Variants in CTNNA3 observed in about 807,000 individuals in gnomAD.
CTNNA3 encodes catenin alpha-3.
A neutral mutation model predicts 95.7 loss-of-function variants in CTNNA3; 76 were observed. The ratio of observed to expected loss-of-function variants is 0.79; its 90% confidence interval spans 0.66 to 0.96. The LOEUF (loss-of-function observed/expected upper bound fraction) is 0.96. CTNNA3 is among the 40% of genes least tolerant of loss of function. The pLI, the probability that CTNNA3 is intolerant of heterozygous loss-of-function variation, is 0.00. For synonymous variants in CTNNA3, 431 were observed against 374.4 expected (o/e 1.15, Z -1.74); for missense variants, 1,191 against 1,089.8 (o/e 1.09, Z -1.31).
At chr10:65,930,219 A>AAC (rs1189297782) in intron 17 of CTNNA3, among the ~76,000 whole-genome samples, 4 of 147,304 alleles carry the variant, frequency 2.7e-5, no homozygotes, top group East Asian at 2.0e-4. Context: ...AAAAAAAAAA[A>AAC]AAAAAAACAG....
intron 5 of CTNNA3, among the ~76,000 whole-genome samples, chr10:67,484,707 C>T (rs879548033): frequency 3.3e-5 from 5 of 152,098 alleles, no homozygotes; most frequent in Non-Finnish European, 7.4e-5. Context: ...AAACAATGCT[C>T]CACATCACTA....
chr10:67,394,871 CTA>C (rs2132784657), intron 5 of CTNNA3, among the ~76,000 whole-genome samples: 1 of 152,054 alleles, frequency 6.6e-6, no homozygotes, highest in Non-Finnish European at 1.5e-5. Context: ...AATTGAAAAG[CTA>C]TCATAAGAAT....
At chr10:67,063,204 C>T (rs1855863511) in intron 7 of CTNNA3, among the ~76,000 whole-genome samples, 1 of 152,092 alleles carries the variant, frequency 6.6e-6, no homozygotes, top group South Asian at 2.1e-4. Context: ...TCAAGACAGC[C>T]TTAAAGCAAT....
intron 11 of CTNNA3, among the ~76,000 whole-genome samples, chr10:66,487,514 A>G (rs1030062190): frequency 6.6e-6 from 1 of 152,006 alleles, no homozygotes; most frequent in African/African-American, 2.4e-5. Flanking sequence ...GCGCGGAGCC[A>G]CTGTGCCCGG....
chr10:66,154,676 T>C (rs971473619), intron 13 of CTNNA3, among the ~76,000 whole-genome samples: 3 of 146,458 alleles, frequency 2.0e-5, no homozygotes, highest in Non-Finnish European at 3.0e-5. Flanking sequence ...CTGTAGTAGT[T>C]TCTGGCAATC....
chr10:67,033,466 T>A (rs1046745906), intron 7 of CTNNA3, among the ~76,000 whole-genome samples: 6 of 152,114 alleles, frequency 3.9e-5, no homozygotes, highest in Non-Finnish European at 8.8e-5. Flanking sequence ...TCAGAAAAAA[T>A]TCACCTGAAA....
intron 3 of CTNNA3, among the ~76,000 whole-genome samples, chr10:67,599,453 G>T (rs1843015329): frequency 6.6e-6 from 1 of 151,992 alleles, no homozygotes; most frequent in Non-Finnish European, 1.5e-5. Context: ...CAAATAAAGG[G>T]TGTAATGCAA....
At chr10:66,306,104 G>A (rs2091929901) in intron 12 of CTNNA3, among the ~76,000 whole-genome samples, 1 of 152,150 alleles carries the variant, frequency 6.6e-6, no homozygotes, top group African/African-American at 2.4e-5. Flanking sequence ...TAAAGGGTTA[G>A]AAAAAAATCC....
intron 13 of CTNNA3, among the ~76,000 whole-genome samples, chr10:66,126,657 A>C (rs929258991): frequency 3.3e-5 from 5 of 152,196 alleles, no homozygotes; most frequent in Non-Finnish European, 7.3e-5. Flanking sequence ...GAACTAAAAA[A>C]TTTAAATCTG....
chr10:66,401,432 G>T, intron 11 of CTNNA3, among the ~76,000 whole-genome samples: 1 of 151,490 alleles, frequency 6.6e-6, no homozygotes, highest in East Asian at 2.0e-4. Context: ...AGGCTGAGGT[G>T]CAAGAATCAC....
chr10:67,566,945 C>G (rs907087617), intron 3 of CTNNA3, among the ~76,000 whole-genome samples: 2 of 146,244 alleles, frequency 1.4e-5, no homozygotes, highest in African/African-American at 5.1e-5. Flanking sequence ...ACCACATGTT[C>G]TCACTCATAG....
intron 5 of CTNNA3, among the ~76,000 whole-genome samples, chr10:67,372,106 C>A (rs989532688): frequency 3.3e-5 from 5 of 151,306 alleles, no homozygotes; most frequent in Non-Finnish European, 5.9e-5. Context: ...TGTTTGAGTT[C>A]TTTGTAGATT....
intron 5 of CTNNA3, among the ~76,000 whole-genome samples, chr10:67,431,062 T>C (rs1267458639): frequency 6.6e-6 from 1 of 152,002 alleles, no homozygotes; most frequent in African/African-American, 2.4e-5. Context: ...AATTTGACCA[T>C]TAAGGGAAGG....
intron 5 of CTNNA3, among the ~76,000 whole-genome samples, chr10:67,469,989 A>G (rs1847754698): frequency 6.6e-6 from 1 of 152,180 alleles, no homozygotes; most frequent in South Asian, 2.1e-4. Context: ...CAATTAAATT[A>G]TTATTGACTA....
intron 7 of CTNNA3, among the ~76,000 whole-genome samples, chr10:67,151,019 T>C (rs1007561963): frequency 3.1e-4 from 47 of 152,160 alleles, no homozygotes; most frequent in African/African-American, 1.1e-3. Flanking sequence ...TAATGGAATT[T>C]TTTCCCATGA....
At chr10:66,837,974 A>G (rs1842935597) in intron 7 of CTNNA3, among the ~76,000 whole-genome samples, 1 of 151,956 alleles carries the variant, frequency 6.6e-6, no homozygotes, top group Non-Finnish European at 1.5e-5. Flanking sequence ...TCTCATTTCA[A>G]ACCCCAGTGA....
intron 15 of CTNNA3, among the ~76,000 whole-genome samples, chr10:66,047,269 G>T (rs892323890): frequency 6.6e-6 from 1 of 152,084 alleles, no homozygotes; most frequent in African/African-American, 2.4e-5. Flanking sequence ...CATGTCGAAA[G>T]ACTAATCCAC....
intron 1 of CTNNA3, chr10:67,750,358 C>T (rs879059188): frequency 5.3e-6 from 8 of 1,506,880 alleles, no homozygotes; most frequent in Middle Eastern, 1.8e-4. Context: ...AGTCTCCTCT[C>T]GGCAAAGTGA....
At chr10:67,604,031 G>A (rs1019460347) in intron 3 of CTNNA3, among the ~76,000 whole-genome samples, 7 of 151,970 alleles carry the variant, frequency 4.6e-5, no homozygotes, top group African/African-American at 1.5e-4. Context: ...AATACTTACC[G>A]CTATGTTATA....
Sources: gnomAD v4.1 joint callset for allele counts (sites outside exome capture counted in the v4.1 genomes callset) on GRCh38, gnomAD v4.1.1 for gene constraint, MANE v1.5 for transcripts, NCBI Gene and HGNC (gene_info 2026-07-23, HGNC 2026-07-21) for gene names.